The following NOVA1 variants were observed in gnomAD, a reference collection of about 807,000 sequenced individuals.
The protein encoded by NOVA1 is NOVA alternative splicing regulator 1, also known as RNA-binding protein Nova-1.
In NOVA1, 7 loss-of-function variants were observed where a neutral mutation model predicts 38.0. The ratio of observed to expected loss-of-function variants is 0.18; its 90% CI spans 0.10 to 0.35. The LOEUF is 0.35. Ranked by LOEUF, NOVA1 falls within the 10% of genes least tolerant of loss-of-function variation. The probability of loss-of-function intolerance (pLI) is 1.00; values close to 1 mark genes in which losing one functional copy is unlikely to be tolerated. For synonymous variants in NOVA1, 270 were observed against 232.5 expected (o/e 1.16, Z -1.47); for missense variants, 460 against 616.0 (o/e 0.75, Z 2.68).
chr14:26,508,981 A>G (rs1019537344), intron 2 of NOVA1, among the ~76,000 whole-genome samples: 4 of 152,098 alleles, frequency 2.6e-5, no homozygotes, highest in Non-Finnish European at 5.9e-5. Flanking sequence ...AAAAAAAGCA[A>G]AGAGAGTTAA....
intron 4 of NOVA1, chr14:26,472,079 G>T (rs983908285): frequency 1.1e-5 from 5 of 451,744 alleles, no homozygotes; most frequent in African/African-American, 1.0e-4. Flanking sequence ...CAAATTTTAA[G>T]GAAAAATAAT....
At chr14:26,558,725 G>A (rs1891640920) in intron 2 of NOVA1, among the ~76,000 whole-genome samples, 1 of 151,956 alleles carries the variant, frequency 6.6e-6, no homozygotes, top group Admixed American at 6.6e-5. Flanking sequence ...GTTTAGACAG[G>A]TCATTTTGCA....
chr14:26,508,496 T>C (rs1458396186), intron 2 of NOVA1, among the ~76,000 whole-genome samples: 1 of 151,826 alleles, frequency 6.6e-6, no homozygotes, highest in Non-Finnish European at 1.5e-5. Context: ...AGAACAACCC[T>C]ATATCCTACG....
At chr14:26,466,348 A>G (rs924314252) in intron 4 of NOVA1, among the ~76,000 whole-genome samples, 1 of 152,170 alleles carries the variant, frequency 6.6e-6, no homozygotes, top group Non-Finnish European at 1.5e-5. Context: ...AAACTGAGTT[A>G]TTTTAAAAGG....
At chr14:26,518,585 C>T (rs1011072180) in intron 2 of NOVA1, among the ~76,000 whole-genome samples, 3 of 152,118 alleles carry the variant, frequency 2.0e-5, no homozygotes, top group African/African-American at 2.4e-5. Flanking sequence ...TACATATACA[C>T]ACTATATAAA....
intron 4 of NOVA1, among the ~76,000 whole-genome samples, chr14:26,464,786 C>T (rs1158103962): frequency 6.6e-6 from 1 of 151,864 alleles, no homozygotes; most frequent in Non-Finnish European, 1.5e-5. Flanking sequence ...GATTGATATT[C>T]CTATATTAAA....
rs1203803796 is a variant in NOVA1, at chr14:26,586,375, A to G, written c.280+9035T>C. ...TTCAAATTAATAATTACTGGACAAT[A>G]CAGCTACATTTTTACTACGTTGCCT... On this transcript the variant is annotated intron_variant, in intron 2 of 4. Coordinates refer to ENST00000539517, the MANE Select transcript of NOVA1 (RefSeq NM_002515.3). 1.9e-4 allele frequency among the ~76,000 whole-genome samples: 28 copies of G among 151,292 alleles called. 1 individual carries two copies. Among genetic ancestry groups the G allele is most frequent in the Admixed American group, 1.8e-3 (28 of 15,154 alleles).
intron 2 of NOVA1, among the ~76,000 whole-genome samples, chr14:26,509,415 T>C (rs1336363485): frequency 6.6e-6 from 1 of 152,034 alleles, no homozygotes; most frequent in Admixed American, 6.6e-5. Flanking sequence ...ATTTTAAAGA[T>C]AAAATTGTCA....
intron 2 of NOVA1, among the ~76,000 whole-genome samples, chr14:26,490,407 T>C (rs953711774): frequency 2.0e-5 from 3 of 152,132 alleles, no homozygotes; most frequent in East Asian, 1.9e-4. Context: ...TTCTAGCCTT[T>C]TGAGGAACAG....
Position 26,444,961 on chromosome 14 carries a change from G to GAGGT in NOVA1, c.*2994_*2997dup, listed in dbSNP as rs1276531800. On this transcript the variant is annotated 3_prime_UTR_variant, in exon 5 of 5. Transcript: ENST00000539517. The stretch of plus-strand genomic sequence containing the variant: ...GAGGAAAAGATCTTGGATCTAGAAT[G>GAGGT]AGGTGTCCAATCTGTATGATAAACA... The GAGGT allele has an allele frequency of 2.0e-5, 3 of 152,216 alleles. No individual in the cohort carries two copies. In the East Asian group the frequency reaches 5.8e-4, roughly 29 times the overall value. The allele number at this position is 152,216 out of a possible 1,614,324, so 9.4% of individuals were successfully genotyped here. A position where few individuals can be genotyped will look rare whatever the true frequency, so the allele number is the denominator to read the frequency against.
chr14:26,534,006 A>G (rs1479137235), intron 2 of NOVA1, among the ~76,000 whole-genome samples: 3 of 152,204 alleles, frequency 2.0e-5, no homozygotes, highest in Non-Finnish European at 4.4e-5. Flanking sequence ...TCATGCTACA[A>G]AAAGTATTCA....
At chr14:26,538,444 T>C (rs1233994384) in intron 2 of NOVA1, among the ~76,000 whole-genome samples, 4 of 151,986 alleles carry the variant, frequency 2.6e-5, no homozygotes, top group African/African-American at 9.7e-5. Context: ...TAAAAAATTA[T>C]ACTACATTTT....
chr14:26,499,289 G>A (rs772855637), intron 2 of NOVA1, among the ~76,000 whole-genome samples: 11 of 151,824 alleles, frequency 7.2e-5, no homozygotes, highest in South Asian at 2.1e-4. Flanking sequence ...ACATTATGTC[G>A]TATACCTTAA....
intron 1 of NOVA1, chr14:26,596,442 G>C (rs547939019): frequency 1.3e-6 from 1 of 789,074 alleles, no homozygotes; most frequent in Non-Finnish European, 1.8e-6. Context: ...CCGTCAACTT[G>C]ATCACATCTT....
At chr14:26,458,101 G>A (rs1001253540) in intron 4 of NOVA1, among the ~76,000 whole-genome samples, 5 of 152,078 alleles carry the variant, frequency 3.3e-5, no homozygotes, top group African/African-American at 1.2e-4. Context: ...CTAATCGTTA[G>A]AGAAATGCAA....
intron 2 of NOVA1, among the ~76,000 whole-genome samples, chr14:26,509,948 G>A (rs926232171): frequency 6.6e-6 from 1 of 152,100 alleles, no homozygotes; most frequent in Non-Finnish European, 1.5e-5. Flanking sequence ...CCAAAGTGTC[G>A]GGATTATAGG....
intron 2 of NOVA1, among the ~76,000 whole-genome samples, chr14:26,558,642 A>G (rs1891635872): frequency 1.3e-5 from 2 of 150,996 alleles, no homozygotes; most frequent in South Asian, 4.1e-4. Context: ...TCCATGACAT[A>G]CTCTATGACA....
At chr14:26,452,945 T>C (rs1468803455) in intron 4 of NOVA1, among the ~76,000 whole-genome samples, 2 of 152,138 alleles carry the variant, frequency 1.3e-5, no homozygotes, top group Non-Finnish European at 1.5e-5. Context: ...TTAAGGGTGC[T>C]GCACAGAAGT....
Position 26,445,221 on chromosome 14 carries a change from G to A in NOVA1, c.*2738C>T, listed in dbSNP as rs1881980230. 6.6e-6 allele frequency: 1 copy of A among 152,094 alleles called. No homozygotes were observed. 9.4% of individuals were successfully genotyped at this position (152,094 alleles called of 1,614,324 possible). ...TTCTCCATTTTGGATCAGTACAGCTGAACAGCCATTGTTACATGCCTACCT... is the reference window on the plus strand; with the variant it reads ...TTCTCCATTTTGGATCAGTACAGCTAAACAGCCATTGTTACATGCCTACCT... On this transcript the variant is annotated 3_prime_UTR_variant, in exon 5 of 5. Transcript: ENST00000539517.
Sources: gnomAD v4.1 joint callset for allele counts (sites outside exome capture counted in the v4.1 genomes callset) on GRCh38, gnomAD v4.1.1 for gene constraint, MANE v1.5 for transcripts, NCBI Gene and HGNC (gene_info 2026-07-23, HGNC 2026-07-21) for gene names.